SYT1: variants seen among roughly 807,000 people sequenced by gnomAD.
The protein encoded by SYT1 is synaptotagmin-1.
SYT1 carries 8 observed loss-of-function variants against 44.8 expected under a neutral mutation model. The observed-to-expected ratio is 0.18, with a 90% confidence interval of 0.10 to 0.32. The LOEUF is 0.32. Ranked by LOEUF, SYT1 falls within the 10% of genes least tolerant of loss-of-function variation. The probability of loss-of-function intolerance (pLI) is 1.00; values close to 1 mark genes in which losing one functional copy is unlikely to be tolerated. For missense variants in SYT1, 286 were observed against 509.3 expected (o/e 0.56, Z 4.22); for synonymous variants, 154 against 188.8 (o/e 0.82, Z 1.51).
At position 79,450,423 on chromosome 12, in the gene SYT1, A is replaced by T. The variant is rs920400050; in HGVS notation, c.*1299A>T. On this transcript the variant is annotated 3_prime_UTR_variant, in exon 11 of 11. Coordinates refer to ENST00000261205, the MANE Select transcript of SYT1 (RefSeq NM_005639.3). ...CTTTAAAAAAAGGTGAAACAAACCAAGAACAAGTTCTAGAAAACTGAAGCA... is the reference window on the plus strand; with the variant it reads ...CTTTAAAAAAAGGTGAAACAAACCATGAACAAGTTCTAGAAAACTGAAGCA... 2 of 152,634 alleles carry T rather than the reference A, an allele frequency of 1.3e-5. No homozygotes were observed. The highest frequency in any genetic ancestry group is 2.9e-5 in the Non-Finnish European group (2 of 68,038). The allele number at this position is 152,634 out of a possible 1,614,324, so 9.5% of individuals were successfully genotyped here. A position where few individuals can be genotyped will look rare whatever the true frequency, so the allele number is the denominator to read the frequency against.
chr12:79,074,733 C>A (rs949949379), intron 3 of SYT1, among the ~76,000 whole-genome samples: 1 of 152,096 alleles, frequency 6.6e-6, no homozygotes, highest in Non-Finnish European at 1.5e-5. Context: ...CAAGGTTTGC[C>A]TGATAGACTA....
intron 2 of SYT1, among the ~76,000 whole-genome samples, chr12:79,032,012 G>T (rs1291862841): frequency 6.6e-6 from 1 of 151,010 alleles, no homozygotes; most frequent in Admixed American, 6.6e-5. Flanking sequence ...TAAATATCCT[G>T]TAGAAATCAA....
intron 2 of SYT1, among the ~76,000 whole-genome samples, chr12:79,025,826 G>A (rs757725505): frequency 4.0e-5 from 6 of 151,438 alleles, no homozygotes; most frequent in African/African-American, 4.8e-5. Context: ...ACCAGACATT[G>A]TAACTGTATA....
intron 9 of SYT1, among the ~76,000 whole-genome samples, chr12:79,425,411 A>G (rs1181579511): frequency 6.6e-6 from 1 of 152,200 alleles, no homozygotes; most frequent in African/African-American, 2.4e-5. Context: ...TTTTTAAACC[A>G]TGTACAGGCA....
chr12:78,997,741 T>C (rs1870475690), intron 2 of SYT1, among the ~76,000 whole-genome samples: 1 of 150,542 alleles, frequency 6.6e-6, no homozygotes, highest in African/African-American at 2.4e-5. Flanking sequence ...GGAAAGGCCG[T>C]GAGGAAGAAG....
At chr12:79,392,798 C>CTTTTTTTTTTTTTTT (rs755888075) in intron 9 of SYT1, 47 of 98,832 alleles carry the variant, frequency 4.8e-4, no homozygotes, top group South Asian at 6.6e-4. Context: ...ATTTTTCTTT[C>CTTTTTTTTTTTTTTT]TTTTTTTTTT....
chr12:79,269,508 A>G (rs1878308541), intron 4 of SYT1, among the ~76,000 whole-genome samples: 1 of 152,034 alleles, frequency 6.6e-6, no homozygotes, highest in Non-Finnish European at 1.5e-5. Context: ...CACACAGCAG[A>G]TTGTCAGTAG....
chr12:78,876,058 TC>T (rs1874052023), intron 1 of SYT1, among the ~76,000 whole-genome samples: 1 of 151,714 alleles, frequency 6.6e-6, no homozygotes, highest in Admixed American at 6.6e-5. Context: ...CAATGCAATT[TC>T]CTTTTGAGTA....
At chr12:79,055,097 CCT>C (rs1195315088) in intron 3 of SYT1, among the ~76,000 whole-genome samples, 5 of 152,032 alleles carry the variant, frequency 3.3e-5, no homozygotes, top group South Asian at 2.1e-4. Context: ...ATTTTTTAGA[CCT>C]CTGTGAGTTT....
intron 5 of SYT1, among the ~76,000 whole-genome samples, chr12:79,287,434 G>A (rs1281828963): frequency 1.3e-5 from 2 of 152,074 alleles, no homozygotes; most frequent in Non-Finnish European, 2.9e-5. Flanking sequence ...TAGCAAGCAG[G>A]ACTTGATAAA....
intron 1 of SYT1, among the ~76,000 whole-genome samples, chr12:78,965,886 G>C (rs924170362): frequency 2.0e-5 from 3 of 152,004 alleles, no homozygotes; most frequent in African/African-American, 7.3e-5. Context: ...AGACCAGCCT[G>C]ACCAAGATGT....
intron 1 of SYT1, among the ~76,000 whole-genome samples, chr12:78,951,747 A>G (rs1878978213): frequency 6.6e-6 from 1 of 152,186 alleles, no homozygotes; most frequent in African/African-American, 2.4e-5. Context: ...GTTAAAAGCC[A>G]GATGAATGAC....
intron 2 of SYT1, among the ~76,000 whole-genome samples, chr12:79,044,707 C>T (rs1247822949): frequency 4.7e-5 from 7 of 150,288 alleles, no homozygotes; most frequent in Non-Finnish European, 7.4e-5. Context: ...AGGCACTCTG[C>T]TTTTTAGAGT....
chr12:79,324,779 A>T (rs992955667), intron 8 of SYT1, among the ~76,000 whole-genome samples: 6 of 152,192 alleles, frequency 3.9e-5, no homozygotes, highest in African/African-American at 1.4e-4. Flanking sequence ...GACTGGCAAA[A>T]AAAAAAGCTT....
Position 79,424,299 on chromosome 12 carries a change from CAG to C in SYT1, c.929-19767_929-19766del, listed in dbSNP as rs1869302672. Among the ~76,000 whole-genome samples the C allele has an allele frequency of 2.0e-5, 3 of 152,102 alleles. No individual in the cohort carries two copies. The South Asian group carries it at 6.2e-4, about 32-fold the overall frequency. On this transcript the variant is annotated intron_variant, in intron 9 of 10. Transcript: ENST00000261205. Reference sequence around the variant, plus strand: ...TGCATCACCAGAAAACAAATAACCACAGAGAGAGCCTTTCAAATGAATCATGC... The same window carrying C: ...TGCATCACCAGAAAACAAATAACCACAGAGAGCCTTTCAAATGAATCATGC...
At chr12:78,929,037 G>A (rs2137192278) in intron 1 of SYT1, among the ~76,000 whole-genome samples, 1 of 151,992 alleles carries the variant, frequency 6.6e-6, no homozygotes, top group Admixed American at 6.6e-5. Flanking sequence ...AAAAAAGATG[G>A]TAGAAAATTA....
chr12:78,923,003 G>A (rs1013929028), intron 1 of SYT1, among the ~76,000 whole-genome samples: 12 of 151,930 alleles, frequency 7.9e-5, no homozygotes, highest in African/African-American at 2.9e-4. Context: ...CCCTTTCCAT[G>A]TGAAGTGGAA....
At position 79,421,109 on chromosome 12, in the gene SYT1, C is replaced by G. The variant is rs189731400; in HGVS notation, c.929-22964C>G. 5.4e-4 allele frequency among the ~76,000 whole-genome samples: 82 copies of G among 152,190 alleles called. 1 individual carries two copies. The highest frequency in any genetic ancestry group is 1.9e-3 in the African/African-American group (80 of 41,530). ...TACTTTCAAAGTAGACCTAAAAACA[C>G]CACTCTGCTTTTTTTATTCCTGAAC... On this transcript the variant is annotated intron_variant, in intron 9 of 10. Transcript: ENST00000261205.
intron 9 of SYT1, among the ~76,000 whole-genome samples, chr12:79,424,901 A>G (rs909066758): frequency 8.7e-6 from 1 of 115,348 alleles, no homozygotes; most frequent in Non-Finnish European, 1.8e-5. Flanking sequence ...GGAAAGACTG[A>G]TTTTCAGCTG....
Sources: allele counts gnomAD v4.1 joint callset (sites outside exome capture counted in the v4.1 genomes callset), GRCh38; gene constraint gnomAD v4.1.1; transcripts MANE v1.5; gene names NCBI Gene and HGNC (gene_info 2026-07-23, HGNC 2026-07-21).